Variants in MSI2 observed in about 807,000 individuals in gnomAD.
MSI2 encodes the protein musashi RNA binding protein 2.
MSI2 carries 17 observed loss-of-function variants against 45.6 expected under a neutral mutation model. The ratio of observed to expected loss-of-function variants is 0.37; its 90% CI spans 0.26 to 0.56. MSI2 has a LOEUF of 0.56. MSI2 is among the 20% of genes least tolerant of loss of function. The pLI is 0.77. For synonymous variants in MSI2, 156 were observed against 158.2 expected (o/e 0.99, Z 0.11); for missense variants, 293 against 444.2 (o/e 0.66, Z 3.06).
At chr17:57,672,111 C>T (rs567303091) in intron 11 of MSI2, among the ~76,000 whole-genome samples, 1 of 152,318 alleles carries the variant, frequency 6.6e-6, no homozygotes, top group South Asian at 2.1e-4. Context: ...CTGTCTTTCA[C>T]CCCTGGCTGG....
At chr17:57,521,107 G>A (rs1443751128) in intron 6 of MSI2, among the ~76,000 whole-genome samples, 1 of 152,210 alleles carries the variant, frequency 6.6e-6, no homozygotes, top group African/African-American at 2.4e-5. Context: ...CCTGGCAGCA[G>A]CAGCTGGGAT....
intron 10 of MSI2, among the ~76,000 whole-genome samples, chr17:57,645,788 G>A (rs556202773): frequency 3.3e-5 from 5 of 152,180 alleles, no homozygotes; most frequent in South Asian, 4.2e-4. Context: ...AATCAGAATC[G>A]CAGGGGTGGG....
intron 5 of MSI2, among the ~76,000 whole-genome samples, chr17:57,366,343 G>C (rs956317032): frequency 2.0e-5 from 3 of 152,206 alleles, no homozygotes; most frequent in African/African-American, 4.8e-5. Context: ...CCCCCAGCCT[G>C]GGCCCTTCTC....
At chr17:57,359,732 G>A (rs115410087) in intron 5 of MSI2, among the ~76,000 whole-genome samples, 2,719 of 152,294 alleles carry the variant, frequency 0.018, 77 homozygotes, top group African/African-American at 0.062. Context: ...CCTGGCTGAA[G>A]CCCTGTCGAG....
chr17:57,365,256 G>A (rs77014068), intron 5 of MSI2, among the ~76,000 whole-genome samples: 8 of 152,294 alleles, frequency 5.3e-5, no homozygotes, highest in Non-Finnish European at 1.2e-4. Context: ...CTTGCTTTGG[G>A]ACTAGTTCTG....
intron 5 of MSI2, among the ~76,000 whole-genome samples, chr17:57,262,790 G>T (rs1013340701): frequency 2.0e-5 from 3 of 152,188 alleles, no homozygotes; most frequent in African/African-American, 4.8e-5. Context: ...AACCTTGTAG[G>T]AGTGGCACTA....
In MSI2 at chr17:57,596,461, G is replaced by T. The variant is rs531338912; in HGVS notation, c.455-407G>T. Among the ~76,000 whole-genome samples, 9 of 152,208 alleles carry T rather than the reference G, an allele frequency of 5.9e-5. No individual in the cohort carries two copies. Among genetic ancestry groups the T allele is most frequent in the African/African-American group, 1.9e-4 (8 of 41,446 alleles). ...AAATAACCACCTCCGTCTGGAGGCCGACCCGAGGGCTGGCCAGGGCTGCTC... is the reference window on the plus strand; with the variant it reads ...AAATAACCACCTCCGTCTGGAGGCCTACCCGAGGGCTGGCCAGGGCTGCTC... On this transcript the variant is annotated intron_variant, in intron 7 of 13. Transcript: ENST00000284073. The surrounding 1 kb of genome is among the most constrained non-coding windows in gnomAD (Gnocchi z 4.6).
At chr17:57,390,075 C>CA (rs55932533) in intron 5 of MSI2, among the ~76,000 whole-genome samples, 108,665 of 139,250 alleles carry the variant, frequency 0.78, 42,631 homozygotes, top group East Asian at 0.92. Flanking sequence ...CTGTCTTTAC[C>CA]AAAAAAAAAA....
chr17:57,426,953 G>A (rs532364379), intron 6 of MSI2, among the ~76,000 whole-genome samples: 1 of 152,332 alleles, frequency 6.6e-6, no homozygotes, highest in African/African-American at 2.4e-5. Context: ...TGGGAGATGC[G>A]GGTGTCCACT....
At position 57,679,783 on chromosome 17, in the gene MSI2, T is replaced by A. The variant is rs1913491263; in HGVS notation, c.*266T>A. On this transcript the variant is annotated 3_prime_UTR_variant, in exon 14 of 14. Transcript: ENST00000284073. ...TTTCGGTTTTGTTTTGTTTTGTTTT[T>A]CTTGATGGTTTCCCTCTCCCTCCCT... 3.9e-6 allele frequency: 1 copy of A among 255,800 alleles called. No homozygotes were observed. The highest frequency in any genetic ancestry group is 2.2e-5 in the African/African-American group (1 of 45,858). 15.8% of individuals were successfully genotyped at this position (255,800 alleles called of 1,614,324 possible).
intron 7 of MSI2, among the ~76,000 whole-genome samples, chr17:57,595,388 C>T (rs1157764069): frequency 6.6e-6 from 1 of 151,998 alleles, no homozygotes; most frequent in Non-Finnish European, 1.5e-5. Flanking sequence ...CAGCCAGGTT[C>T]ATACCTTTGG....
At chr17:57,428,925 C>T (rs2084543796) in intron 6 of MSI2, among the ~76,000 whole-genome samples, 2 of 152,182 alleles carry the variant, frequency 1.3e-5, no homozygotes, top group South Asian at 2.1e-4. Flanking sequence ...TATTTATGAT[C>T]AGTATACATT....
At chr17:57,695,041 A>G in the MSI2 span, among the ~76,000 whole-genome samples, 277 of 152,382 alleles carry the variant, frequency 1.8e-3, 3 homozygotes, top group African/African-American at 6.3e-3. Flanking sequence ...TTGAGGAAAA[A>G]TCATCAAATC....
intron 5 of MSI2, among the ~76,000 whole-genome samples, chr17:57,363,970 A>G (rs1020132379): frequency 1.3e-5 from 2 of 152,156 alleles, no homozygotes; most frequent in Admixed American, 6.5e-5. Flanking sequence ...CTTAGGTCCC[A>G]GGCCACTTCC....
chr17:57,280,720 G>A lies in MSI2; in HGVS notation c.312+18528G>A, dbSNP rs60183012. 0.038 allele frequency among the ~76,000 whole-genome samples: 5,735 copies of A among 152,090 alleles called. 176 individuals carry two copies. The highest frequency in any genetic ancestry group is 0.075 in the African/African-American group (3,107 of 41,452). On this transcript the variant is annotated intron_variant, in intron 5 of 13. Coordinates refer to ENST00000284073, the MANE Select transcript of MSI2 (RefSeq NM_138962.4). This position sits in a 1 kb window ranked among gnomAD's most constrained non-coding sequence, Gnocchi z 4.2. ...GTAAACTTGTTTTTGAGCTTGCACT[G>A]TATACATATTTATTTATAAATGACA...
chr17:57,534,244 AG>A (rs1312122286), intron 7 of MSI2, among the ~76,000 whole-genome samples: 1 of 152,252 alleles, frequency 6.6e-6, no homozygotes, highest in Non-Finnish European at 1.5e-5. Context: ...GTTAAAGCGG[AG>A]GAGCTGGTCA....
chr17:57,460,507 A>G (rs1365009569), intron 6 of MSI2, among the ~76,000 whole-genome samples: 1 of 152,128 alleles, frequency 6.6e-6, no homozygotes, highest in African/African-American at 2.4e-5. Flanking sequence ...GAAAAGAAAA[A>G]GATTTGATGT....
intron 5 of MSI2, among the ~76,000 whole-genome samples, chr17:57,349,241 C>T (rs1915836560): frequency 6.6e-6 from 1 of 152,176 alleles, no homozygotes; most frequent in Non-Finnish European, 1.5e-5. Context: ...CTTTTGGTCA[C>T]TGCTGCCCGA....
chr17:57,286,660 C>G (rs1909912788), intron 5 of MSI2, among the ~76,000 whole-genome samples: 1 of 152,076 alleles, frequency 6.6e-6, no homozygotes, highest in African/African-American at 2.4e-5. Context: ...CCGCCTAAAA[C>G]CGAAGGCCCC....
Sources: allele counts gnomAD v4.1 joint callset (sites outside exome capture counted in the v4.1 genomes callset), GRCh38; gene constraint gnomAD v4.1.1; non-coding constraint Gnocchi (gnomAD v3.1); transcripts MANE v1.5; gene names NCBI Gene and HGNC (gene_info 2026-07-23, HGNC 2026-07-21).